The following PHACTR4 variants were observed in gnomAD, a reference collection of about 807,000 sequenced individuals.
PHACTR4 encodes phosphatase and actin regulator 4.
A neutral mutation model predicts 72.7 loss-of-function variants in PHACTR4; 51 were observed. The observed-to-expected ratio is 0.70, with a 90% confidence interval of 0.56 to 0.89. The LOEUF is 0.89. Among genes scored for constraint, PHACTR4 ranks in the 40% least tolerant of loss-of-function variants. The pLI is 0.00. For missense variants in PHACTR4, 731 were observed against 861.8 expected (o/e 0.85, Z 1.90); for synonymous variants, 255 against 302.5 (o/e 0.84, Z 1.63).
rs182303971 is a variant in PHACTR4 at position 28,453,688 on chromosome 1, T to C, written c.17-5397T>C. ...AGATTGAAAGATGGACCCGTCCTGGTTCCTCTTACTTCAATTTGAACCCAT... is the reference window on the plus strand; with the variant it reads ...AGATTGAAAGATGGACCCGTCCTGGCTCCTCTTACTTCAATTTGAACCCAT... On this transcript the variant is annotated intron_variant, in intron 2 of 13. Transcript: ENST00000373839. 10,983 of 1,249,844 alleles carry C rather than the reference T, an allele frequency of 8.8e-3. 66 individuals are homozygous for C. Among genetic ancestry groups the C allele is most frequent in the Non-Finnish European group, 0.011 (9,259 of 863,156 alleles). The allele number at this position is 1,249,844 out of a possible 1,614,324, so 77.4% of individuals were successfully genotyped here.
At chr1:28,390,552 G>A (rs1374437931) in intron 1 of PHACTR4, among the ~76,000 whole-genome samples, 1 of 152,162 alleles carries the variant, frequency 6.6e-6, no homozygotes, top group Non-Finnish European at 1.5e-5. Context: ...CACTTTGGGA[G>A]GTCGAGGCGG....
chr1:28,396,436 C>A (rs937860351), intron 1 of PHACTR4, among the ~76,000 whole-genome samples: 20 of 151,348 alleles, frequency 1.3e-4, no homozygotes, highest in African/African-American at 4.4e-4. Flanking sequence ...GAGGCTGAGT[C>A]GGAAGAATCA....
intron 6 of PHACTR4, among the ~76,000 whole-genome samples, chr1:28,469,561 A>G (rs747430148): frequency 1.3e-5 from 2 of 152,206 alleles, no homozygotes; most frequent in African/African-American, 2.4e-5. Flanking sequence ...AATTTATTTT[A>G]TTAATTCAAA....
At chr1:28,372,906 C>T (rs951270179) in intron 1 of PHACTR4, among the ~76,000 whole-genome samples, 2 of 151,090 alleles carry the variant, frequency 1.3e-5, no homozygotes, top group African/African-American at 4.9e-5. Context: ...TTACTATTGA[C>T]TATTGCTTAA....
In PHACTR4 at chr1:28,487,537, A is replaced by AAAG. The variant is rs1553205919; in HGVS notation, c.1761-1633_1761-1632insAAG. Among the ~76,000 whole-genome samples the AAAG allele has an allele frequency of 2.4e-4, 35 of 146,366 alleles. 1 individual carries two copies. The highest frequency in any genetic ancestry group is 8.5e-4 in the South Asian group (4 of 4,732). Reference sequence around the variant, plus strand: ...CACACACAAAAAAAAAAAAAAAAAAAGGAAGGTCTTGTTCAGAAAGAAAAG... The same window carrying AAAG: ...CACACACAAAAAAAAAAAAAAAAAAAAAGGGAAGGTCTTGTTCAGAAAGAAAAG... On this transcript the variant is annotated intron_variant, in intron 9 of 13. Coordinates refer to ENST00000373839, the MANE Select transcript of PHACTR4 (RefSeq NM_001048183.3).
chr1:28,476,772 C>CTTTTTTTTCTTTTTTTTTTTTTTT (rs1659948553), intron 8 of PHACTR4, among the ~76,000 whole-genome samples: 1 of 98,438 alleles, frequency 1.0e-5, no homozygotes, highest in Non-Finnish European at 2.0e-5. Context: ...CTAGCCTGTT[C>CTTTTTTTTCTTTTTTTTTTTTTTT]TTTTTTTTTT....
chr1:28,493,214 C>A (rs1661145726), intron 13 of PHACTR4, 123 bp downstream of exon 13: 1 of 808,302 alleles, frequency 1.2e-6, no homozygotes, highest in African/African-American at 1.7e-5. Context: ...TGCAAGACTG[C>A]ATTCAAAGGG....
intron 13 of PHACTR4, among the ~76,000 whole-genome samples, chr1:28,494,586 A>G (rs1015020516): frequency 6.6e-6 from 1 of 152,224 alleles, no homozygotes; most frequent in African/African-American, 2.4e-5. Flanking sequence ...CCGGAAGCAG[A>G]GGTTGCAGTG....
intron 1 of PHACTR4, among the ~76,000 whole-genome samples, chr1:28,377,237 CTTTTTTT>C (rs1304157166): frequency 7.3e-6 from 1 of 136,760 alleles, no homozygotes; most frequent in African/African-American, 2.7e-5. Flanking sequence ...CGCACCCAGC[CTTTTTTT>C]TTTTTTTTTT....
chr1:28,467,680 G>T lies in PHACTR4; in HGVS notation c.823+912G>T, dbSNP rs114763572. On this transcript the variant is annotated intron_variant, in intron 6 of 13. Transcript: ENST00000373839. ...GTTATCTTCACAGGGAACTGCAGAA[G>T]CTATTACTTAAATTGTTCTGATAAA... Among the ~76,000 whole-genome samples the T allele has an allele frequency of 5.8e-3, 887 of 152,270 alleles. 8 individuals carry two copies. The highest frequency in any genetic ancestry group is 0.02 in the African/African-American group (843 of 41,550).
chr1:28,400,869 C>T (rs1305010729), intron 1 of PHACTR4, among the ~76,000 whole-genome samples: 1 of 152,160 alleles, frequency 6.6e-6, no homozygotes, highest in East Asian at 1.9e-4. Context: ...CATGAGCCAC[C>T]ACGCCCGGCC....
At chr1:28,388,346 C>T (rs1652729182) in intron 1 of PHACTR4, among the ~76,000 whole-genome samples, 1 of 152,066 alleles carries the variant, frequency 6.6e-6, no homozygotes, top group South Asian at 2.1e-4. Flanking sequence ...AGTAAAACAG[C>T]GTGGATCTGC....
intron 6 of PHACTR4, among the ~76,000 whole-genome samples, chr1:28,469,552 ATTTAT>A (rs1406083104): frequency 6.6e-6 from 1 of 152,180 alleles, no homozygotes; most frequent in Admixed American, 6.6e-5. Flanking sequence ...ACCAAATAGA[ATTTAT>A]TTTATTAATT....
intron 1 of PHACTR4, among the ~76,000 whole-genome samples, chr1:28,395,632 G>A (rs1002073074): frequency 7.9e-5 from 11 of 139,494 alleles, no homozygotes; most frequent in Admixed American, 1.4e-4. Context: ...CTTTTCTTAA[G>A]CATAACTTTT....
intron 2 of PHACTR4, among the ~76,000 whole-genome samples, chr1:28,442,226 G>T (rs1381148270): frequency 6.6e-6 from 1 of 151,764 alleles, no homozygotes; most frequent in African/African-American, 2.4e-5. Flanking sequence ...CAGCACTTTG[G>T]GAGGCCAAGG....
intron 2 of PHACTR4, among the ~76,000 whole-genome samples, chr1:28,455,422 C>T (rs1028803932): frequency 2.0e-5 from 3 of 151,916 alleles, no homozygotes; most frequent in Non-Finnish European, 2.9e-5. Flanking sequence ...GTCTCAAACT[C>T]CTGATCTCAG....
chr1:28,381,525 C>T (rs1174433830), intron 1 of PHACTR4, among the ~76,000 whole-genome samples: 1 of 151,572 alleles, frequency 6.6e-6, no homozygotes, highest in Non-Finnish European at 1.5e-5. Context: ...GTCTCGATCT[C>T]CTGACCTCGT....
chr1:28,452,358 T>G (rs1203203265), intron 2 of PHACTR4, among the ~76,000 whole-genome samples: 3 of 152,082 alleles, frequency 2.0e-5, no homozygotes, highest in Admixed American at 2.0e-4. Context: ...ATTAAAAAAT[T>G]AGCCAGGTGT....
At chr1:28,389,913 G>A (rs1569788312) in intron 1 of PHACTR4, among the ~76,000 whole-genome samples, 2 of 152,114 alleles carry the variant, frequency 1.3e-5, no homozygotes, top group African/African-American at 4.8e-5. Context: ...GTATCTGTAC[G>A]CTCATGTTCA....
Sources: allele counts gnomAD v4.1 joint callset (sites outside exome capture counted in the v4.1 genomes callset), GRCh38; gene constraint gnomAD v4.1.1; transcripts MANE v1.5; gene names NCBI Gene and HGNC (gene_info 2026-07-23, HGNC 2026-07-21).